Variants in WWOX observed in about 807,000 individuals in gnomAD.
The protein encoded by WWOX is WW domain-containing oxidoreductase.
A neutral mutation model predicts 46.2 loss-of-function variants in WWOX; 69 were observed. The ratio of observed to expected loss-of-function variants is 1.49; its 90% CI spans 1.23 to 1.82. The LOEUF (loss-of-function observed/expected upper bound fraction) is 1.82, where lower values mean the gene tolerates loss of function less well. Ranked by LOEUF, WWOX falls within the 40% of genes most tolerant of loss-of-function variation. WWOX has a pLI of 0.00. For synonymous variants in WWOX, 359 were observed against 202.6 expected, an observed-to-expected ratio of 1.77 and a Z score of -6.56; for missense variants, 919 against 542.6, an observed-to-expected ratio of 1.69 and a Z score of -6.89.
intron 8 of WWOX, among the ~76,000 whole-genome samples, chr16:78,911,399 C>G (rs901633380): frequency 6.6e-6 from 1 of 151,972 alleles, no homozygotes; most frequent in African/African-American, 2.4e-5. Context: ...TTTTCTTTTT[C>G]TTGATGGCCT....
intron 8 of WWOX, among the ~76,000 whole-genome samples, chr16:78,594,347 C>T (rs750906990): frequency 2.0e-5 from 3 of 148,536 alleles, no homozygotes; most frequent in Middle Eastern, 3.4e-3. Context: ...AAACCCAATC[C>T]GCTCATATTC....
intron 8 of WWOX, among the ~76,000 whole-genome samples, chr16:79,093,581 C>T (rs1016685591): frequency 2.0e-5 from 3 of 152,154 alleles, no homozygotes; most frequent in African/African-American, 7.2e-5. Flanking sequence ...GCCCACTTCA[C>T]CTTCCCAGCA....
intron 5 of WWOX, among the ~76,000 whole-genome samples, chr16:78,366,267 C>A (rs2081534273): frequency 6.6e-6 from 1 of 152,260 alleles, no homozygotes; most frequent in Middle Eastern, 3.4e-3. Flanking sequence ...TACTGTTAAA[C>A]TTTTAGATTA....
At chr16:78,769,836 G>T (rs2050020808) in intron 8 of WWOX, among the ~76,000 whole-genome samples, 1 of 150,478 alleles carries the variant, frequency 6.6e-6, no homozygotes, top group Admixed American at 6.6e-5. Flanking sequence ...GGGAGGTCCT[G>T]TCTCTACAAA....
chr16:78,829,508 G>A (rs975296815), intron 8 of WWOX, among the ~76,000 whole-genome samples: 1 of 152,166 alleles, frequency 6.6e-6, no homozygotes, highest in African/African-American at 2.4e-5. Context: ...ATAATGGTTA[G>A]TCAGATATCT....
chr16:78,105,686 A>G (rs1040514620), intron 1 of WWOX, among the ~76,000 whole-genome samples: 53 of 152,338 alleles, frequency 3.5e-4, no homozygotes, highest in Non-Finnish European at 6.8e-4. Context: ...TGGGCCAGGC[A>G]TGAGGCTACA....
chr16:78,964,935 A>T lies in WWOX; in HGVS notation c.1057-246673A>T, dbSNP rs371647823. Among the ~76,000 whole-genome samples the T allele has an allele frequency of 2.6e-4, 39 of 152,328 alleles. No homozygotes were observed. In the East Asian group the frequency reaches 4.4e-3, roughly 17 times the overall value. ...GAAGCCCCAAGCCTTGGCAGCCTCC[A>T]TGTGGTGTTGAGTGTGTGGGGGCAC... On this transcript the variant is annotated intron_variant, in intron 8 of 8. Coordinates refer to ENST00000566780, the MANE Select transcript of WWOX (RefSeq NM_016373.4).
chr16:78,956,675 C>T (rs141546063), intron 8 of WWOX, among the ~76,000 whole-genome samples: 3 of 152,084 alleles, frequency 2.0e-5, no homozygotes, highest in Non-Finnish European at 2.9e-5. Flanking sequence ...TCTGTTTTCA[C>T]TTTTTAATCT....
chr16:78,511,492 T>G (rs1450733556), intron 8 of WWOX, among the ~76,000 whole-genome samples: 1 of 152,218 alleles, frequency 6.6e-6, no homozygotes. Flanking sequence ...AGGGCAGGCC[T>G]GTTGCCCCCA....
intron 8 of WWOX, among the ~76,000 whole-genome samples, chr16:79,069,024 A>T (rs2048498103): frequency 6.6e-6 from 1 of 152,094 alleles, no homozygotes. Flanking sequence ...AGTTATGTCT[A>T]AGTTTCCGAC....
At chr16:78,808,214 C>T (rs1049897777) in intron 8 of WWOX, among the ~76,000 whole-genome samples, 7 of 152,156 alleles carry the variant, frequency 4.6e-5, no homozygotes, top group Non-Finnish European at 1.0e-4. Flanking sequence ...TATGCTCCTC[C>T]TGTGATACCC....
intron 8 of WWOX, among the ~76,000 whole-genome samples, chr16:78,578,534 T>C (rs34352392): frequency 0.19 from 28,386 of 151,384 alleles, 2,958 homozygotes; most frequent in African/African-American, 0.27. Context: ...GTGATTCACC[T>C]GCCTTGGCCT....
chr16:79,007,778 C>G (rs954796560), intron 8 of WWOX, among the ~76,000 whole-genome samples: 3 of 152,252 alleles, frequency 2.0e-5, no homozygotes, highest in South Asian at 2.1e-4. Context: ...GATACCAAAG[C>G]TATTTAATAT....
chr16:78,565,433 C>A (rs1439209492), intron 8 of WWOX, among the ~76,000 whole-genome samples: 1 of 152,190 alleles, frequency 6.6e-6, no homozygotes, highest in Non-Finnish European at 1.5e-5. Flanking sequence ...CTTCCTCTGG[C>A]TTCAAACCAG....
intron 8 of WWOX, chr16:78,891,578 A>G (rs1450753805): frequency 6.6e-6 from 1 of 152,216 alleles, no homozygotes; most frequent in Non-Finnish European, 1.5e-5. Flanking sequence ...TTCTCTGTCG[A>G]TAATTGATGC....
intron 8 of WWOX, among the ~76,000 whole-genome samples, chr16:78,650,321 C>G (rs1038655633): frequency 6.6e-6 from 1 of 152,150 alleles, no homozygotes. Context: ...TAACATACTG[C>G]TGTCTGTAAA....
intron 8 of WWOX, among the ~76,000 whole-genome samples, chr16:78,539,895 A>T (rs2941947): frequency 5.3e-5 from 8 of 151,718 alleles, no homozygotes; most frequent in South Asian, 4.1e-4. Context: ...AGATAGGATC[A>T]GATCCAGTAC....
At chr16:78,752,955 G>C (rs2049522890) in intron 8 of WWOX, among the ~76,000 whole-genome samples, 1 of 152,182 alleles carries the variant, frequency 6.6e-6, no homozygotes, top group African/African-American at 2.4e-5. Flanking sequence ...GATAATTCTA[G>C]GCCGTTTGTC....
At chr16:79,131,005 C>T (rs1280333086) in intron 8 of WWOX, among the ~76,000 whole-genome samples, 1 of 152,116 alleles carries the variant, frequency 6.6e-6, no homozygotes, top group Non-Finnish European at 1.5e-5. Flanking sequence ...TGACATAATC[C>T]TTTTTTGGAT....
Sources: allele counts gnomAD v4.1 joint callset (sites outside exome capture counted in the v4.1 genomes callset), GRCh38; gene constraint gnomAD v4.1.1; transcripts MANE v1.5; gene names NCBI Gene and HGNC (gene_info 2026-07-23, HGNC 2026-07-21).